The following USP45 variants were observed in gnomAD, a reference collection of about 807,000 sequenced individuals.
USP45 encodes the protein ubiquitin specific peptidase 45.
A neutral mutation model predicts 95.8 loss-of-function variants in USP45; 89 were observed. The ratio of observed to expected loss-of-function variants is 0.93; its 90% CI spans 0.78 to 1.11. USP45 has a LOEUF of 1.11. Among genes scored for constraint, USP45 ranks in the 50% least tolerant of loss-of-function variants. USP45 has a pLI of 0.00. For missense variants in USP45, 898 were observed against 942.5 expected (o/e 0.95, Z 0.62); for synonymous variants, 281 against 316.2 (o/e 0.89, Z 1.18).
chr6:99,510,216 C>G lies in USP45; in HGVS notation c.5G>C (p.Arg2Pro), dbSNP rs546020541. 44 of 1,612,738 alleles carry G rather than the reference C, an allele frequency of 2.7e-5. No homozygotes were observed. The highest frequency in any genetic ancestry group is 3.7e-5 in the Non-Finnish European group (44 of 1,179,186). The change falls in exon 2 of 18, where the codon CGG (arginine) becomes CCG (proline). Residue 2 changes from arginine (R) to proline (P), a missense_variant. Transcript: ENST00000500704. ...TAAAGCTTTAGTTGGATCTTTCACC[C>G]GCATCTGTTATTTACTGAAGGGATT... MRVKDPTKALPE... is the reference protein window; with the variant it reads MPVKDPTKALPE...
intron 10 of USP45, 124 bp from the exon 11 acceptor site, chr6:99,466,887 C>A (rs1013273404): frequency 2.3e-5 from 15 of 660,540 alleles, no homozygotes; most frequent in Non-Finnish European, 3.6e-5. Context: ...TTTAATAATA[C>A]ATTTTACTAT....
chr6:99,438,173 C>G (rs757080938), intron 16 of USP45, among the ~76,000 whole-genome samples: 1 of 152,094 alleles, frequency 6.6e-6, no homozygotes, highest in Non-Finnish European at 1.5e-5. Context: ...TGCATCCACA[C>G]AATAGAGTAT....
chr6:99,433,955 T>G lies in USP45; in HGVS notation c.*1761A>C, dbSNP rs1342531188. On this transcript the variant is annotated 3_prime_UTR_variant, in exon 18 of 18. Transcript: ENST00000500704. ...AGATGGCTGACTTGAATAAAGACAGTCAATATTTTTCAAAAAATTCACTGC... is the reference window on the plus strand; with the variant it reads ...AGATGGCTGACTTGAATAAAGACAGGCAATATTTTTCAAAAAATTCACTGC... 6.6e-6 allele frequency: 1 copy of G among 152,104 alleles called. No individual in the cohort carries two copies. The highest frequency in any genetic ancestry group is 1.5e-5 in the Non-Finnish European group (1 of 68,016). 9.4% of individuals were successfully genotyped at this position (152,104 alleles called of 1,614,324 possible). A position where few individuals can be genotyped will look rare whatever the true frequency, so the allele number is the denominator to read the frequency against.
chr6:99,504,235 G>C (rs1798015000), intron 4 of USP45, among the ~76,000 whole-genome samples: 1 of 152,178 alleles, frequency 6.6e-6, no homozygotes, highest in African/African-American at 2.4e-5. Flanking sequence ...CTGCCTCCAG[G>C]GTTCAAGTGA....
Position 99,488,556 on chromosome 6 carries a change from A to T in USP45, c.618+125T>A, listed in dbSNP as rs888429535. 1.7e-4 allele frequency: 192 copies of T among 1,118,588 alleles called. 1 individual carries two copies. Among genetic ancestry groups the T allele is most frequent in the Non-Finnish European group, 1.9e-4 (151 of 784,760 alleles). 69.3% of individuals were successfully genotyped at this position (1,118,588 alleles called of 1,614,324 possible). ...GGTGATGGCCCAAGATAGCGTAAAC[A>T]AAAGGAAAACAGAGAAATTTCTAGA... On this transcript the variant is annotated intron_variant, in intron 6 of 17. Transcript: ENST00000500704.
At chr6:99,490,386 G>A (rs1259816906) in intron 5 of USP45, among the ~76,000 whole-genome samples, 1 of 151,212 alleles carries the variant, frequency 6.6e-6, no homozygotes, top group Admixed American at 6.6e-5. Context: ...CACCATGTTG[G>A]CCAGGCTGGT....
chr6:99,501,459 C>T (rs1313777471), intron 5 of USP45, among the ~76,000 whole-genome samples: 2 of 152,148 alleles, frequency 1.3e-5, no homozygotes, highest in African/African-American at 2.4e-5. Context: ...TCCTAACAAA[C>T]CACGTTTCTG....
intron 5 of USP45, among the ~76,000 whole-genome samples, chr6:99,497,937 T>A (rs1000844881): frequency 4.6e-5 from 7 of 152,204 alleles, no homozygotes; most frequent in Admixed American, 2.0e-4. Flanking sequence ...TTTCTAGATA[T>A]TCTTCTGCTT....
intron 16 of USP45, among the ~76,000 whole-genome samples, chr6:99,437,824 AT>A (rs1780791839): frequency 6.6e-6 from 1 of 152,184 alleles, no homozygotes; most frequent in African/African-American, 2.4e-5. Flanking sequence ...CGCCCAGCTA[AT>A]TTTTGTATTT....
intron 13 of USP45, among the ~76,000 whole-genome samples, chr6:99,460,508 T>G (rs2128611224): frequency 6.6e-6 from 1 of 152,268 alleles, no homozygotes; most frequent in Middle Eastern, 3.4e-3. Context: ...TTAAAAAAAT[T>G]TACATAGGTT....
At chr6:99,501,012 A>G (rs1382807028) in intron 5 of USP45, among the ~76,000 whole-genome samples, 1 of 152,170 alleles carries the variant, frequency 6.6e-6, no homozygotes, top group Non-Finnish European at 1.5e-5. Context: ...TTCTGATGCC[A>G]CCTACTAAGC....
intron 13 of USP45, among the ~76,000 whole-genome samples, chr6:99,449,376 T>C (rs534901340): frequency 1.4e-4 from 22 of 152,176 alleles, no homozygotes; most frequent in Non-Finnish European, 2.8e-4. Flanking sequence ...AATCTTAGTC[T>C]CTGATAAAAC....
At chr6:99,511,405 A>T (rs1393102663) in intron 1 of USP45, among the ~76,000 whole-genome samples, 1 of 151,866 alleles carries the variant, frequency 6.6e-6, no homozygotes, top group African/African-American at 2.4e-5. Context: ...CGCCCACCTC[A>T]GTCTCCCAAA....
At chr6:99,505,609 C>A (rs923282145) in intron 4 of USP45, among the ~76,000 whole-genome samples, 1 of 146,800 alleles carries the variant, frequency 6.8e-6, no homozygotes, top group Admixed American at 6.9e-5. Context: ...CCACTGCACT[C>A]CAGCCTGGGT....
intron 7 of USP45, among the ~76,000 whole-genome samples, chr6:99,484,034 A>T (rs1793185298): frequency 8.2e-6 from 1 of 122,506 alleles, no homozygotes; most frequent in Non-Finnish European, 1.7e-5. Flanking sequence ...TTAAAGAGAC[A>T]GGGTTGCCCA....
At chr6:99,484,278 C>T (rs12190963) in intron 7 of USP45, among the ~76,000 whole-genome samples, 40,209 of 151,514 alleles carry the variant, frequency 0.27, 5,885 homozygotes, top group Middle Eastern at 0.35. Flanking sequence ...AGTGATCCTC[C>T]TGCTTCCACC....
At chr6:99,437,899 C>G (rs1242302513) in intron 16 of USP45, among the ~76,000 whole-genome samples, 1 of 152,112 alleles carries the variant, frequency 6.6e-6, no homozygotes, top group East Asian at 1.9e-4. Flanking sequence ...CTCAGGTGAT[C>G]CACCTGCCTT....
chr6:99,476,140 G>C lies in USP45; in HGVS notation c.933+3C>G. Reference sequence around the variant, plus strand: ...ATACATGATATACATAAAGAAACCTGACCTTTGTTTCTTCTGTCCTCACTG... The same window carrying C: ...ATACATGATATACATAAAGAAACCTCACCTTTGTTTCTTCTGTCCTCACTG... On this transcript the variant is annotated splice_donor_region_variant and intron_variant, in intron 9 of 17. Transcript: ENST00000500704. 1 of 1,611,820 alleles carries C rather than the reference G, an allele frequency of 6.2e-7. No individual in the cohort carries two copies. Among genetic ancestry groups the C allele is most frequent in the Non-Finnish European group, 8.5e-7 (1 of 1,178,554 alleles).
In USP45 at chr6:99,443,568, A is replaced by G. The variant is rs1377605145; in HGVS notation, c.2070T>C (p.His690=). The change falls in exon 15 of 18, where the codon CAT becomes CAC. Residue 690 remains histidine, a synonymous_variant. Coordinates refer to ENST00000500704, the MANE Select transcript of USP45 (RefSeq NM_001346022.3). ...TGGTGCTACTGAAGAAACTTACCTG[A>G]TGAAATCTTTTCAGGTGGAGAATTA... ...AVLILHLKRF[H]QAGLSLRKVN... is the part of the protein sequence containing the mutation. 6.2e-7 allele frequency: 1 copy of G among 1,604,596 alleles called. No individual in the cohort carries two copies. The highest frequency in any genetic ancestry group is 8.5e-7 in the Non-Finnish European group (1 of 1,175,014).
Sources: allele counts gnomAD v4.1 joint callset (sites outside exome capture counted in the v4.1 genomes callset), GRCh38; gene constraint gnomAD v4.1.1; transcripts MANE v1.5; gene names NCBI Gene and HGNC (gene_info 2026-07-23, HGNC 2026-07-21).